PARD3: variants seen among roughly 807,000 people sequenced by gnomAD.
The protein encoded by PARD3 is par-3 family cell polarity regulator.
A neutral mutation model predicts 155.4 loss-of-function variants in PARD3; 75 were observed. That is an observed-to-expected ratio of 0.48 (90% CI 0.40 to 0.58). The LOEUF is 0.58. Ranked by LOEUF, PARD3 falls within the 20% of genes least tolerant of loss-of-function variation. The pLI, the probability that PARD3 is intolerant of heterozygous loss-of-function variation, is 0.00. For missense variants in PARD3, 1,642 were observed against 1,721.7 expected (o/e 0.95, Z 0.82); for synonymous variants, 576 against 610.5 (o/e 0.94, Z 0.83).
chr10:34,574,456 C>A (rs561577436), intron 2 of PARD3, among the ~76,000 whole-genome samples: 1 of 152,322 alleles, frequency 6.6e-6, no homozygotes, highest in East Asian at 1.9e-4. Flanking sequence ...AGTGCTCCTG[C>A]TACCAAGAGG....
chr10:34,187,163 C>A, intron 22 of PARD3, among the ~76,000 whole-genome samples: 1 of 152,058 alleles, frequency 6.6e-6, no homozygotes, highest in East Asian at 1.9e-4. Flanking sequence ...AGAGTGGAGA[C>A]GTTAAAGAAC....
chr10:34,528,606 T>G (rs58889449), intron 2 of PARD3, among the ~76,000 whole-genome samples: 6,271 of 152,314 alleles, frequency 0.041, 367 homozygotes, highest in African/African-American at 0.13. Flanking sequence ...GGATGTTTCC[T>G]GTAAGTAGCA....
At position 34,589,626 on chromosome 10, in the gene PARD3, A is replaced by C. The variant is rs535310761; in HGVS notation, c.223-72467T>G. Among the ~76,000 whole-genome samples the C allele has an allele frequency of 1.3e-4, 16 of 126,872 alleles. No homozygotes were observed. In the East Asian group the frequency reaches 3.5e-3, roughly 28 times the overall value. The allele number at this position is 126,872 out of a possible 152,430, so 83.2% of individuals were successfully genotyped here. A position where few individuals can be genotyped will look rare whatever the true frequency, so the allele number is the denominator to read the frequency against. On this transcript the variant is annotated intron_variant, in intron 2 of 24. Transcript: ENST00000374788. ...ATGGCATCCCAGCAAAACTAATATA[A>C]GTACATGTCCAAAAAAAAAAAAAAA... is the stretch of plus-strand genomic sequence containing the variant.
chr10:34,524,632 C>T (rs2082355715), intron 2 of PARD3, among the ~76,000 whole-genome samples: 1 of 151,162 alleles, frequency 6.6e-6, no homozygotes, highest in South Asian at 2.1e-4. Context: ...TAATATAAAC[C>T]CCTCTTGCTC....
chr10:34,705,330 G>T (rs968170392), intron 1 of PARD3, among the ~76,000 whole-genome samples: 2 of 151,936 alleles, frequency 1.3e-5, no homozygotes, highest in Non-Finnish European at 2.9e-5. Context: ...GTTATTTTTG[G>T]TTTTTTAATT....
intron 22 of PARD3, among the ~76,000 whole-genome samples, chr10:34,148,857 GA>G (rs1205569228): frequency 7.1e-6 from 1 of 141,786 alleles, no homozygotes; most frequent in Non-Finnish European, 1.6e-5. Flanking sequence ...TCTATTGCCA[GA>G]ATCAAGTTTT....
At chr10:34,271,595 T>C (rs1955612631) in intron 21 of PARD3, among the ~76,000 whole-genome samples, 2 of 152,194 alleles carry the variant, frequency 1.3e-5, no homozygotes, top group Admixed American at 6.5e-5. Context: ...GGTTCCCTCA[T>C]GCATAATGGA....
At chr10:34,312,644 G>A (rs578087787) in intron 20 of PARD3, among the ~76,000 whole-genome samples, 3 of 152,166 alleles carry the variant, frequency 2.0e-5, no homozygotes, top group East Asian at 3.9e-4. Flanking sequence ...ACAATGCTTC[G>A]GGGACCCAGG....
chr10:34,142,345 AAGCCTGG>A (rs1449249191), intron 22 of PARD3, among the ~76,000 whole-genome samples: 4 of 151,954 alleles, frequency 2.6e-5, no homozygotes, highest in Non-Finnish European at 4.4e-5. Flanking sequence ...AGTTTGAGAC[AAGCCTGG>A]GCAACATCGC....
chr10:34,733,137 C>T (rs553801860), intron 1 of PARD3, among the ~76,000 whole-genome samples: 25 of 152,292 alleles, frequency 1.6e-4, no homozygotes, highest in Non-Finnish European at 3.4e-4. Flanking sequence ...AGTCTCACTA[C>T]TACAATGAAA....
chr10:34,500,995 TAAA>T (rs991941858), intron 3 of PARD3, among the ~76,000 whole-genome samples: 2 of 152,216 alleles, frequency 1.3e-5, no homozygotes, highest in African/African-American at 4.8e-5. Flanking sequence ...GCAAAAGAGT[TAAA>T]AATAACTAAT....
At chr10:34,329,710 CTGGAAAGGCCCAG>C (rs1254108742) in intron 19 of PARD3, among the ~76,000 whole-genome samples, 9 of 151,974 alleles carry the variant, frequency 5.9e-5, no homozygotes, top group Non-Finnish European at 1.5e-5. Context: ...AAAACTGGGC[CTGGAAAGGCCCAG>C]TTGTGAGGAA....
intron 3 of PARD3, among the ~76,000 whole-genome samples, chr10:34,476,073 G>C (rs985115604): frequency 5.3e-5 from 8 of 152,028 alleles, no homozygotes; most frequent in Non-Finnish European, 1.2e-4. Context: ...AGGATCACTT[G>C]AGCCCAGGAG....
chr10:34,260,045 G>A (rs1468586840), intron 22 of PARD3, among the ~76,000 whole-genome samples: 1 of 152,090 alleles, frequency 6.6e-6, no homozygotes, highest in African/African-American at 2.4e-5. Context: ...TCACTGTGTT[G>A]CCCAGGCTGA....
In PARD3 at chr10:34,502,478, G is replaced by A. The variant is rs572276642; in HGVS notation, c.403+14501C>T. 3.3e-5 allele frequency among the ~76,000 whole-genome samples: 5 copies of A among 152,314 alleles called. No individual in the cohort carries two copies. In the South Asian group the frequency reaches 1.0e-3, roughly 32 times the overall value. ...TTTCAGCCCAGTGAGATCCACACCA[G>A]ACTCTGACATGCAGGACTGTAATAA... On this transcript the variant is annotated intron_variant, in intron 3 of 24. Coordinates refer to ENST00000374788, the MANE Select transcript of PARD3 (RefSeq NM_001184785.2).
intron 12 of PARD3, among the ~76,000 whole-genome samples, chr10:34,361,067 A>C (rs895690516): frequency 6.6e-6 from 1 of 152,234 alleles, no homozygotes; most frequent in Non-Finnish European, 1.5e-5. Context: ...CCTATCATTA[A>C]GAAAGCCTAC....
chr10:34,611,620 C>T (rs993046085), intron 2 of PARD3, among the ~76,000 whole-genome samples: 1 of 151,924 alleles, frequency 6.6e-6, no homozygotes, highest in Non-Finnish European at 1.5e-5. Flanking sequence ...TAAGGCAAAT[C>T]GGAATACAAT....
intron 23 of PARD3, among the ~76,000 whole-genome samples, chr10:34,126,449 C>T (rs530335853): frequency 5.9e-4 from 90 of 152,294 alleles, no homozygotes; most frequent in African/African-American, 2.1e-3. Context: ...TTCTAACAAG[C>T]ATGACAATTT....
At chr10:34,336,026 T>G (rs540889143) in intron 18 of PARD3, among the ~76,000 whole-genome samples, 173 bp downstream of exon 18, 6 of 152,214 alleles carry the variant, frequency 3.9e-5, no homozygotes, top group Middle Eastern at 3.4e-3. Context: ...ACTGATAAAT[T>G]TCTACTAACA....
Sources: allele counts gnomAD v4.1 joint callset (sites outside exome capture counted in the v4.1 genomes callset), GRCh38; gene constraint gnomAD v4.1.1; transcripts MANE v1.5; gene names NCBI Gene and HGNC (gene_info 2026-07-23, HGNC 2026-07-21).